Variants in MROH2B observed in about 807,000 individuals in gnomAD.
MROH2B encodes the protein maestro heat like repeat family member 2B.
In MROH2B, 177 loss-of-function variants were observed where a neutral mutation model predicts 208.6. The ratio of observed to expected loss-of-function variants is 0.85; its 90% CI spans 0.75 to 0.96. The LOEUF (loss-of-function observed/expected upper bound fraction) is 0.96. MROH2B is among the 40% of genes least tolerant of loss of function. The pLI, the probability that MROH2B is intolerant of heterozygous loss-of-function variation, is 0.00. For missense variants in MROH2B, 2,002 were observed against 1,878.7 expected (o/e 1.07, Z -1.21); for synonymous variants, 728 against 659.0 (o/e 1.10, Z -1.60).
chr5:41,069,962 A>C (rs1353347579), intron 1 of MROH2B, among the ~76,000 whole-genome samples: 1 of 152,142 alleles, frequency 6.6e-6, no homozygotes, highest in African/African-American at 2.4e-5. Context: ...TATTTTTGAA[A>C]CCTGAATCAA....
chr5:41,006,032 CAA>C (rs5867531), intron 34 of MROH2B, among the ~76,000 whole-genome samples: 7 of 129,884 alleles, frequency 5.4e-5, no homozygotes, highest in Non-Finnish European at 9.6e-5. Flanking sequence ...ATTCTGTCTC[CAA>C]AAAAAAAAAA....
chr5:41,007,362 A>G lies in MROH2B; in HGVS notation c.3701T>C (p.Leu1234Pro). Residue 1234 changes from leucine to proline, a missense_variant, in exon 34 of 42, where the codon CTA becomes CCA. Coordinates refer to ENST00000399564, the MANE Select transcript of MROH2B (RefSeq NM_173489.5). ...GTGGTGGGTACTAGGACTGCTGAGT[A>G]GAGTCCATAAGTTGTCCCCCTCATC... Reference protein sequence around the residue: ...ESDEGDNLWTLLSSPSTHHIG... With the variant: ...ESDEGDNLWTPLSSPSTHHIG... 6.5e-7 allele frequency: 1 copy of G among 1,543,902 alleles called. No individual in the cohort carries two copies. Among genetic ancestry groups the G allele is most frequent in the Non-Finnish European group, 8.8e-7 (1 of 1,142,680 alleles).
chr5:41,033,891 A>T (rs1355383657), intron 21 of MROH2B, 27 bp from the exon 22 acceptor site: 1 of 1,549,468 alleles, frequency 6.5e-7, no homozygotes, highest in South Asian at 1.2e-5. Context: ...GCAAAATTAG[A>T]TACTCAATGA....
intron 35 of MROH2B, 109 bp downstream of exon 35, chr5:41,005,422 C>CGCACCT: frequency 6.6e-6 from 1 of 150,768 alleles, no homozygotes; most frequent in East Asian, 1.1e-4. Flanking sequence ...AACCCCCCCC[C>CGCACCT]CCCTTGAAGT....
chr5:41,036,964 T>C (rs1579936697), intron 21 of MROH2B, among the ~76,000 whole-genome samples: 1 of 152,312 alleles, frequency 6.6e-6, no homozygotes, highest in East Asian at 1.9e-4. Flanking sequence ...TATGTTTTGT[T>C]ATAGCAGAAC....
chr5:41,048,540 A>G (rs972325762), intron 15 of MROH2B, 75 bp from the exon 16 acceptor site: 129 of 1,431,590 alleles, frequency 9.0e-5, no homozygotes, highest in Non-Finnish European at 1.1e-4. Context: ...CCTTTTTACC[A>G]TTGTTCCAAT....
intron 11 of MROH2B, among the ~76,000 whole-genome samples, 194 bp from the exon 12 acceptor site, chr5:41,052,781 A>G (rs1000605681): frequency 4.6e-5 from 7 of 152,102 alleles, no homozygotes; most frequent in Non-Finnish European, 1.0e-4. Context: ...CAAATTTTGG[A>G]TTTTTTTCAG....
Position 41,047,616 on chromosome 5 carries a change from G to A in MROH2B, c.1728+105C>T, listed in dbSNP as rs112799923. 221 of 1,008,452 alleles carry A rather than the reference G, an allele frequency of 2.2e-4. 2 individuals are homozygous for A. Among genetic ancestry groups the A allele is most frequent in the South Asian group, 2.2e-3 (148 of 67,774 alleles). The allele number at this position is 1,008,452 out of a possible 1,614,324, so 62.5% of individuals were successfully genotyped here. On this transcript the variant is annotated intron_variant, in intron 17 of 41. Transcript: ENST00000399564. Reference sequence around the variant, plus strand: ...TAATTCTTTTCCAAAGAAAGGAAAAGGTTGTTTATTATCCTCAGGAATCTA... The same window carrying A: ...TAATTCTTTTCCAAAGAAAGGAAAAAGTTGTTTATTATCCTCAGGAATCTA...
chr5:41,057,217 C>T (rs1171023602), intron 8 of MROH2B, 39 bp from the exon 9 acceptor site: 1 of 1,612,336 alleles, frequency 6.2e-7, no homozygotes, highest in African/African-American at 1.3e-5. Flanking sequence ...ATGTTAAACA[C>T]AGAAAACCGG....
rs758185866 is a variant in MROH2B at position 41,004,764 on chromosome 5, C to T, written c.4011+10G>A. Reference sequence around the variant, plus strand: ...TTAAATGAACCATTTCCCCTTAAAACGCCTTTTACCTTGTGAGGAGCCCCG... The same window carrying T: ...TTAAATGAACCATTTCCCCTTAAAATGCCTTTTACCTTGTGAGGAGCCCCG... On this transcript the variant is annotated intron_variant, in intron 36 of 41. Transcript: ENST00000399564. The T allele has an allele frequency of 5.6e-6, 9 of 1,607,638 alleles. No individual in the cohort carries two copies. The highest frequency in any genetic ancestry group is 3.4e-5 in the Admixed American group (2 of 58,194).
chr5:41,049,786 A>T (rs1311862115), intron 13 of MROH2B, among the ~76,000 whole-genome samples: 1 of 152,076 alleles, frequency 6.6e-6, no homozygotes, highest in Non-Finnish European at 1.5e-5. Flanking sequence ...ACAACCAAAA[A>T]TCCCCCAAGT....
intron 40 of MROH2B, among the ~76,000 whole-genome samples, chr5:40,999,472 G>A (rs1483620628): frequency 6.6e-6 from 1 of 152,204 alleles, no homozygotes; most frequent in African/African-American, 2.4e-5. Context: ...AGGTGAGTCA[G>A]GAGAGGTTAT....
chr5:41,000,258 T>A lies in MROH2B; in HGVS notation c.4444A>T (p.Arg1482Trp), dbSNP rs748348994. ...LDRLLDQDLPRARDFYRQFCV... is the reference protein window; with the variant it reads ...LDRLLDQDLPWARDFYRQFCV... ...AATTGCCTGTAGAAATCCCTGGCCC[T>A]TGGTAGATCCTGATCAAGGAGACGG... Residue 1482 changes from arginine (R) to tryptophan (W), a missense_variant, in exon 39 of 42, where the codon AGG (arginine) becomes TGG (tryptophan). Physicochemically the swap from Arg to Trp is moderately radical, Grantham distance 101 (BLOSUM62 -3). Coordinates refer to ENST00000399564, the MANE Select transcript of MROH2B (RefSeq NM_173489.5). 1 of 1,613,902 alleles carries A rather than the reference T, an allele frequency of 6.2e-7. No individual in the cohort carries two copies. Among genetic ancestry groups the A allele is most frequent in the Non-Finnish European group, 8.5e-7 (1 of 1,179,824 alleles).
At chr5:41,021,870 C>T (rs182092099) in intron 24 of MROH2B, among the ~76,000 whole-genome samples, 33 of 151,752 alleles carry the variant, frequency 2.2e-4, no homozygotes, top group Middle Eastern at 3.4e-3. Flanking sequence ...AGTGAGACCC[C>T]GTCTCAAAAA....
At chr5:41,026,250 C>A (rs1742355815) in intron 24 of MROH2B, among the ~76,000 whole-genome samples, 2 of 152,192 alleles carry the variant, frequency 1.3e-5, no homozygotes, top group South Asian at 4.1e-4. Context: ...CAAGTTGTCC[C>A]TGTTTGCAGA....
At chr5:41,026,827 T>C (rs190442565) in intron 24 of MROH2B, among the ~76,000 whole-genome samples, 1 of 152,286 alleles carries the variant, frequency 6.6e-6, no homozygotes, top group Non-Finnish European at 1.5e-5. Context: ...ATGGTACTCA[T>C]GCCAAAACAG....
At chr5:41,052,707 A>C in intron 11 of MROH2B, 120 bp from the exon 12 acceptor site, 1 of 935,054 alleles carries the variant, frequency 1.1e-6, no homozygotes. Flanking sequence ...AAAGGAACAT[A>C]AATTGAATAG....
chr5:41,070,384 A>G (rs898404997), intron 1 of MROH2B, among the ~76,000 whole-genome samples: 3 of 152,208 alleles, frequency 2.0e-5, no homozygotes, highest in Admixed American at 6.6e-5. Flanking sequence ...TTCAAGCTAC[A>G]TGGCAAGTTG....
intron 6 of MROH2B, among the ~76,000 whole-genome samples, chr5:41,059,993 G>T (rs780370617): frequency 1.5e-3 from 227 of 152,268 alleles, no homozygotes; most frequent in Middle Eastern, 0.01. Flanking sequence ...TACCATAGGT[G>T]TTCAAATCAA....
Sources: gnomAD v4.1 joint callset for allele counts (sites outside exome capture counted in the v4.1 genomes callset) on GRCh38, gnomAD v4.1.1 for gene constraint, MANE v1.5 for transcripts, NCBI Gene and HGNC (gene_info 2026-07-23, HGNC 2026-07-21) for gene names.